SAMD3: variants seen among roughly 807,000 people sequenced by gnomAD.
SAMD3 encodes the protein sterile alpha motif domain containing 3, also known as sterile alpha motif domain-containing protein 3.
A neutral mutation model predicts 58.5 loss-of-function variants in SAMD3; 63 were observed. The ratio of observed to expected loss-of-function variants is 1.08; its 90% CI spans 0.88 to 1.33. The LOEUF is 1.33. Among genes scored for constraint, SAMD3 ranks in the 40% most tolerant of loss-of-function variants. The probability of loss-of-function intolerance (pLI) is 0.00; values close to 1 mark genes in which losing one functional copy is unlikely to be tolerated. For missense variants in SAMD3, 604 were observed against 608.4 expected, an observed-to-expected ratio of 0.99 and a Z score of 0.08; for synonymous variants, 220 against 210.3, an observed-to-expected ratio of 1.05 and a Z score of -0.40.
At chr6:130,277,441 G>A (rs1774815743) in intron 2 of SAMD3, among the ~76,000 whole-genome samples, 1 of 152,202 alleles carries the variant, frequency 6.6e-6, no homozygotes, top group Non-Finnish European at 1.5e-5. Flanking sequence ...TCTTTGCAAA[G>A]GCAATTTCAA....
intron 2 of SAMD3, among the ~76,000 whole-genome samples, chr6:130,257,651 T>C (rs1486685775): frequency 6.6e-6 from 1 of 152,168 alleles, no homozygotes; most frequent in African/African-American, 2.4e-5. Context: ...GAAATATTGT[T>C]TTAATTTTTA....
chr6:130,144,158 G>C (rs17706258), downstream of SAMD3: 85,653 of 208,498 alleles, frequency 0.41, 18,536 homozygotes, highest in South Asian at 0.46. Context: ...CCATAAATGT[G>C]CAGCTCCTGT....
intron 8 of SAMD3, among the ~76,000 whole-genome samples, chr6:130,164,499 C>T (rs1790550530): frequency 6.6e-6 from 1 of 152,144 alleles, no homozygotes; most frequent in Non-Finnish European, 1.5e-5. Flanking sequence ...GCCTTCATTG[C>T]TTCATGAAGC....
chr6:130,163,113 G>A (rs1431091131), intron 8 of SAMD3, among the ~76,000 whole-genome samples: 3 of 151,914 alleles, frequency 2.0e-5, no homozygotes, highest in Non-Finnish European at 4.4e-5. Context: ...AAATTGAAAT[G>A]TAAGTGCAAA....
chr6:130,360,738 G>A lies in SAMD3; in HGVS notation c.-304+4382C>T, dbSNP rs532942058. Among the ~76,000 whole-genome samples, 6 of 152,302 alleles carry A rather than the reference G, an allele frequency of 3.9e-5. No homozygotes were observed. The East Asian group carries it at 1.2e-3, about 29-fold the overall frequency. Reference sequence around the variant, plus strand: ...TGAATTTCCTCTTCCTAATAAGCCTGGGAGCGCTATGGGAGACTGGGATTT... The same window carrying A: ...TGAATTTCCTCTTCCTAATAAGCCTAGGAGCGCTATGGGAGACTGGGATTT... On this transcript the variant is annotated intron_variant, in intron 1 of 13. Coordinates refer to the SAMD3 transcript ENST00000368134.
chr6:130,289,187 CT>C (rs1775278575), intron 2 of SAMD3, among the ~76,000 whole-genome samples: 2 of 152,168 alleles, frequency 1.3e-5, no homozygotes, highest in Non-Finnish European at 2.9e-5. Context: ...ACTTTATAGG[CT>C]TTTAGCATAG....
At chr6:130,192,296 T>A (rs1327016940) in intron 5 of SAMD3, among the ~76,000 whole-genome samples, 1 of 152,232 alleles carries the variant, frequency 6.6e-6, no homozygotes, top group Non-Finnish European at 1.5e-5. Context: ...TTTCTTTTCT[T>A]TTTTAAGAGA....
chr6:130,311,812 G>C (rs1009843864), intron 2 of SAMD3, among the ~76,000 whole-genome samples: 1 of 152,144 alleles, frequency 6.6e-6, no homozygotes. Flanking sequence ...TCCACACAGG[G>C]TCTCTGTTTG....
At position 130,175,995 on chromosome 6, in the gene SAMD3, C is replaced by T. The variant is rs763920331; in HGVS notation, c.668G>A (p.Arg223Gln). The change falls in exon 8 of 12, where the codon CGA becomes CAA. Residue 223 changes from arginine to glutamine, a missense_variant. Transcript: ENST00000439090. ...ATATTTAAAGCGATCTTTGAGGGCTCGTTTCCATAAAAACTGTAAAATAAA... is the reference window on the plus strand; with the variant it reads ...ATATTTAAAGCGATCTTTGAGGGCTTGTTTCCATAAAAACTGTAAAATAAA... ...EDGCGFFLWK[R>Q]ALKDRFKYVR... is the part of the protein sequence containing the mutation. 1.7e-5 allele frequency: 28 copies of T among 1,612,096 alleles called. No homozygotes were observed. The highest frequency in any genetic ancestry group is 1.7e-4 in the South Asian group (15 of 90,674).
chr6:130,252,158 T>A (rs1773760666), intron 2 of SAMD3, among the ~76,000 whole-genome samples: 1 of 152,178 alleles, frequency 6.6e-6, no homozygotes, highest in Non-Finnish European at 1.5e-5. Context: ...CCTTGCCTAA[T>A]TCTAGTAACA....
rs139355929 is a variant in SAMD3, at chr6:130,358,715, C to T, written c.-304+6405G>A. ...CTCTGTTAATATTTTTGTGTATATCCCACTATGTCTTACACACACACACAC... is the reference window on the plus strand; with the variant it reads ...CTCTGTTAATATTTTTGTGTATATCTCACTATGTCTTACACACACACACAC... On this transcript the variant is annotated intron_variant, in intron 1 of 13. Transcript: ENST00000368134. Among the ~76,000 whole-genome samples, 1,073 of 144,216 alleles carry T rather than the reference C, an allele frequency of 7.4e-3. 6 individuals carry two copies. Among genetic ancestry groups the T allele is most frequent in the Non-Finnish European group, 9.9e-3 (661 of 66,682 alleles). The allele number at this position is 144,216 out of a possible 152,430, so 94.6% of individuals were successfully genotyped here.
chr6:130,245,467 A>G (rs1773508179), intron 2 of SAMD3, among the ~76,000 whole-genome samples: 1 of 152,226 alleles, frequency 6.6e-6, no homozygotes, highest in South Asian at 2.1e-4. Context: ...GACACTCTCA[A>G]TTCAGACTTA....
chr6:130,269,198 C>T (rs1169791145), intron 2 of SAMD3, among the ~76,000 whole-genome samples: 3 of 152,124 alleles, frequency 2.0e-5, no homozygotes, highest in Non-Finnish European at 4.4e-5. Flanking sequence ...GCTCCAGCAC[C>T]ATTTGTCGCA....
chr6:130,318,510 C>A (rs1244326337), intron 1 of SAMD3, among the ~76,000 whole-genome samples: 1 of 150,776 alleles, frequency 6.6e-6, no homozygotes, highest in Non-Finnish European at 1.5e-5. Context: ...CTCACTGCAA[C>A]CTCTACCTCC....
chr6:130,247,466 C>CAA (rs1381371663), intron 2 of SAMD3, among the ~76,000 whole-genome samples: 4 of 80,242 alleles, frequency 5.0e-5, no homozygotes, highest in Non-Finnish European at 1.0e-4. Flanking sequence ...GACTCCATCT[C>CAA]AAAAAAAAAA....
At chr6:130,287,860 G>T (rs754954912) in intron 2 of SAMD3, among the ~76,000 whole-genome samples, 2 of 151,432 alleles carry the variant, frequency 1.3e-5, no homozygotes, top group Non-Finnish European at 2.9e-5. Flanking sequence ...CAGGAGAATC[G>T]CTTGAACCCG....
In SAMD3 at chr6:130,175,851, A is replaced by C. The variant is rs1267316916; in HGVS notation, c.812T>G (p.Val271Gly). 2 of 1,609,884 alleles carry C rather than the reference A, an allele frequency of 1.2e-6. No individual in the cohort carries two copies. Among genetic ancestry groups the C allele is most frequent in the East Asian group, 2.2e-5 (1 of 44,790 alleles). Residue 271 changes from valine (V) to glycine (G), a missense_variant, in exon 8 of 12, where the codon GTC (valine) becomes GGC (glycine). Val to Gly is a moderately radical substitution (Grantham distance 109, BLOSUM62 -3). Transcript: ENST00000439090. Reference protein sequence around the residue: ...ADIRFDEIKLVQIKEEAVCFD... With the variant: ...ADIRFDEIKLGQIKEEAVCFD... The stretch of plus-strand genomic sequence containing the variant: ...GGAATTCAATCTTACTTTTATCTGG[A>C]CAAGTTTAATTTCATCAAATCTTAT...
chr6:130,220,903 G>C (rs984619080), intron 1 of SAMD3, among the ~76,000 whole-genome samples: 1 of 152,052 alleles, frequency 6.6e-6, no homozygotes, highest in Non-Finnish European at 1.5e-5. Flanking sequence ...GCCCAGGCTG[G>C]AGTGCAGTGG....
intron 2 of SAMD3, among the ~76,000 whole-genome samples, chr6:130,267,327 G>T (rs1320873201): frequency 6.6e-6 from 1 of 152,110 alleles, no homozygotes; most frequent in African/African-American, 2.4e-5. Flanking sequence ...TCCCTTGTTT[G>T]CTACCCGTAC....
Sources: gnomAD v4.1 joint callset for allele counts (sites outside exome capture counted in the v4.1 genomes callset) on GRCh38, gnomAD v4.1.1 for gene constraint, MANE v1.5 for transcripts, NCBI Gene and HGNC (gene_info 2026-07-23, HGNC 2026-07-21) for gene names.